GRIK4: variants seen among roughly 807,000 people sequenced by gnomAD.
GRIK4 encodes the protein glutamate ionotropic receptor kainate type subunit 4.
Under a neutral mutation model 104.9 loss-of-function variants are expected in GRIK4, and 40 were observed. The ratio of observed to expected loss-of-function variants is 0.38; its 90% CI spans 0.30 to 0.50. The LOEUF (loss-of-function observed/expected upper bound fraction) is 0.50. Among genes scored for constraint, GRIK4 ranks in the 20% least tolerant of loss-of-function variants. The pLI is 0.93. For synonymous variants in GRIK4, 485 were observed against 524.9 expected (o/e 0.92, Z 1.04); for missense variants, 1,047 against 1,308.1 (o/e 0.80, Z 3.08).
intron 1 of GRIK4, among the ~76,000 whole-genome samples, chr11:120,548,406 A>G (rs1459674442): frequency 6.6e-6 from 1 of 151,974 alleles, no homozygotes; most frequent in Non-Finnish European, 1.5e-5. Flanking sequence ...GATTGCAAGC[A>G]GAGGGGATGG....
chr11:120,777,212 C>G (rs1359371521), intron 3 of GRIK4, among the ~76,000 whole-genome samples: 2 of 152,216 alleles, frequency 1.3e-5, no homozygotes, highest in Non-Finnish European at 2.9e-5. Context: ...TCACAGCCCC[C>G]CAATACCTCT....
At chr11:120,680,999 T>C (rs1950183853) in intron 3 of GRIK4, among the ~76,000 whole-genome samples, 1 of 152,130 alleles carries the variant, frequency 6.6e-6, no homozygotes, top group East Asian at 1.9e-4. Flanking sequence ...GCCCCTGCAC[T>C]GCCTGGCCCT....
rs1188394473 is a variant in GRIK4, at chr11:120,905,880, G to A, written c.1476+387G>A. ...AGAAGAGAATGCACCCACATCAGCT[G>A]GCTTGGATCCTTGAGAGACACTGCC... On this transcript the variant is annotated intron_variant, in intron 13 of 20. Coordinates refer to ENST00000527524, the MANE Select transcript of GRIK4 (RefSeq NM_014619.5). The surrounding 1 kb of genome is among the most constrained non-coding windows in gnomAD (Gnocchi z 5.1). 6.6e-6 allele frequency among the ~76,000 whole-genome samples: 1 copy of A among 152,214 alleles called. No individual in the cohort carries two copies. The highest frequency in any genetic ancestry group is 1.5e-5 in the Non-Finnish European group (1 of 68,038).
rs186234452 is a variant in GRIK4 at position 120,545,233 on chromosome 11, C to T, written c.-159+33346C>T. Among the ~76,000 whole-genome samples, 58 of 152,302 alleles carry T rather than the reference C, an allele frequency of 3.8e-4. 1 individual carries two copies. Among genetic ancestry groups the T allele is most frequent in the African/African-American group, 1.3e-3 (56 of 41,556 alleles). ...TTATGTAGTCAAACCAGAAATGGAG[C>T]TCTTTCCCTCAAAACTGCCTTATCT... On this transcript the variant is annotated intron_variant, in intron 1 of 20. Coordinates refer to ENST00000527524, the MANE Select transcript of GRIK4 (RefSeq NM_014619.5).
chr11:120,635,723 C>T (rs920559266), intron 1 of GRIK4, among the ~76,000 whole-genome samples: 7 of 152,178 alleles, frequency 4.6e-5, no homozygotes, highest in Non-Finnish European at 8.8e-5. Flanking sequence ...AAGCCAAGGG[C>T]GTACAGGATA....
chr11:120,833,800 C>T (rs918974879), intron 7 of GRIK4, among the ~76,000 whole-genome samples: 5 of 132,952 alleles, frequency 3.8e-5, no homozygotes, highest in Non-Finnish European at 5.2e-5. Flanking sequence ...TTTACAGACA[C>T]ATTTTTCCCC....
intron 2 of GRIK4, among the ~76,000 whole-genome samples, chr11:120,658,727 CTTTTTTTTT>C (rs71050753): frequency 1.9e-4 from 11 of 56,674 alleles, no homozygotes; most frequent in African/African-American, 5.2e-4. Context: ...GAGGACGAAA[CTTTTTTTTT>C]TTTTTTTTTT....
At position 120,905,504 on chromosome 11, in the gene GRIK4, G is replaced by A. The variant is rs1163261762; in HGVS notation, c.1476+11G>A. ...GAGCTGATCGCTAGGGTAAGGAGAG[G>A]ACAAGTGATCTGGGCCTGAGGGTGG... On this transcript the variant is annotated intron_variant, in intron 13 of 20. Coordinates refer to ENST00000527524, the MANE Select transcript of GRIK4 (RefSeq NM_014619.5). The surrounding 1 kb of genome is among the most constrained non-coding windows in gnomAD (Gnocchi z 5.1). 3.1e-6 allele frequency: 2 copies of A among 645,022 alleles called. No individual in the cohort carries two copies. Among genetic ancestry groups the A allele is most frequent in the Non-Finnish European group, 5.4e-6 (2 of 373,042 alleles). The allele number at this position is 645,022 out of a possible 1,614,324, so 40.0% of individuals were successfully genotyped here.
chr11:120,535,620 G>T (rs549289608), intron 1 of GRIK4, among the ~76,000 whole-genome samples: 14 of 152,256 alleles, frequency 9.2e-5, no homozygotes, highest in African/African-American at 3.4e-4. Context: ...GACAGCTCGG[G>T]ATCCCGGTTC....
chr11:120,618,117 A>G (rs770562443), intron 1 of GRIK4, among the ~76,000 whole-genome samples: 23 of 152,158 alleles, frequency 1.5e-4, no homozygotes, highest in Non-Finnish European at 3.2e-4. Context: ...CAGGCTCTGG[A>G]TGTGTCCAGA....
At chr11:120,853,081 C>G (rs1954012891) in intron 8 of GRIK4, among the ~76,000 whole-genome samples, 1 of 152,118 alleles carries the variant, frequency 6.6e-6, no homozygotes, top group South Asian at 2.1e-4. Flanking sequence ...GCATCTAGTC[C>G]TTGGAGAGGT....
At chr11:120,557,514 C>T (rs140291575) in intron 1 of GRIK4, among the ~76,000 whole-genome samples, 25 of 152,298 alleles carry the variant, frequency 1.6e-4, no homozygotes, top group African/African-American at 5.5e-4. Flanking sequence ...TTTCATCAGA[C>T]GACCTATCTA....
chr11:120,697,768 G>A (rs61902689), intron 3 of GRIK4, among the ~76,000 whole-genome samples: 7 of 152,150 alleles, frequency 4.6e-5, no homozygotes, highest in Admixed American at 6.5e-5. Flanking sequence ...CTCCTAGGGC[G>A]TGATTTATAT....
In GRIK4 at chr11:120,836,796, C is replaced by A; in HGVS notation, c.696C>A (p.Ala232=). 1 of 1,606,440 alleles carries A rather than the reference C, an allele frequency of 6.2e-7. No individual in the cohort carries two copies. The highest frequency in any genetic ancestry group is 1.1e-5 in the South Asian group (1 of 90,948). Residue 232 remains alanine, a synonymous_variant, in exon 8 of 21, where the codon GCC becomes GCA. Coordinates refer to ENST00000527524, the MANE Select transcript of GRIK4 (RefSeq NM_014619.5). The part of the protein sequence containing the change: ...SMSHTILLKA[A]ELGMVSAYYT... ...TCCTTCTCTTCGCCTTGCAGGCAGCCGAACTTGGGATGGTGTCAGCCTATT... is the reference window on the plus strand; with the variant it reads ...TCCTTCTCTTCGCCTTGCAGGCAGCAGAACTTGGGATGGTGTCAGCCTATT...
intron 1 of GRIK4, among the ~76,000 whole-genome samples, chr11:120,565,118 G>C (rs1948303804): frequency 6.6e-6 from 1 of 152,200 alleles, no homozygotes; most frequent in South Asian, 2.1e-4. Context: ...GTGGGAGGAC[G>C]GGCTGCGGAG....
At chr11:120,783,390 T>G (rs567643634) in intron 3 of GRIK4, among the ~76,000 whole-genome samples, 1 of 152,210 alleles carries the variant, frequency 6.6e-6, no homozygotes, top group Non-Finnish European at 1.5e-5. Context: ...CTTTCTTCCC[T>G]TCCTCCTCTT....
chr11:120,907,686 G>A (rs1046988137), intron 13 of GRIK4, among the ~76,000 whole-genome samples: 1 of 152,158 alleles, frequency 6.6e-6, no homozygotes, highest in Non-Finnish European at 1.5e-5. Context: ...ATTTCAAGCT[G>A]TGATAAGTGC....
At chr11:120,678,770 A>G (rs935749295) in intron 3 of GRIK4, among the ~76,000 whole-genome samples, 26 of 152,066 alleles carry the variant, frequency 1.7e-4, no homozygotes, top group African/African-American at 5.5e-4. Flanking sequence ...TGTAGCTGGG[A>G]TTACAGGTAC....
intron 13 of GRIK4, among the ~76,000 whole-genome samples, chr11:120,932,090 C>T (rs914271889): frequency 1.3e-5 from 2 of 152,198 alleles, no homozygotes; most frequent in African/African-American, 4.8e-5. Context: ...CTGCCCAAGC[C>T]CTGTTCCACC....
Sources: gnomAD v4.1 joint callset for allele counts (sites outside exome capture counted in the v4.1 genomes callset) on GRCh38, gnomAD v4.1.1 for gene constraint, Gnocchi (gnomAD v3.1) non-coding constraint, MANE v1.5 for transcripts, NCBI Gene and HGNC (gene_info 2026-07-23, HGNC 2026-07-21) for gene names.